The following KLRG1 variants were observed in gnomAD, a reference collection of about 807,000 sequenced individuals.
The protein encoded by KLRG1 is killer cell lectin-like receptor subfamily G member 1.
Under a neutral mutation model 21.8 loss-of-function variants are expected in KLRG1, and 16 were observed. That is an observed-to-expected ratio of 0.73 (90% CI 0.50 to 1.11). KLRG1 has a LOEUF of 1.11. KLRG1 is among the 50% of genes most tolerant of loss of function. The pLI is 0.00. For synonymous variants in KLRG1, 69 were observed against 75.9 expected (o/e 0.91, Z 0.47); for missense variants, 173 against 218.3 (o/e 0.79, Z 1.31).
At chr12:8,983,335 A>G (rs1946786746) in intron 1 of KLRG1, among the ~76,000 whole-genome samples, 1 of 125,248 alleles carries the variant, frequency 8.0e-6, no homozygotes. Context: ...CTTCCTCTTC[A>G]TTTCTATTGG....
At chr12:9,045,506 A>G in the KLRG1 span, among the ~76,000 whole-genome samples, 1 of 152,208 alleles carries the variant, frequency 6.6e-6, no homozygotes, top group African/African-American at 2.4e-5. Flanking sequence ...GGCAAAAAAC[A>G]CATTTTGAAG....
At chr12:8,970,127 C>A (rs1312239527) in intron 1 of KLRG1, among the ~76,000 whole-genome samples, 3 of 152,122 alleles carry the variant, frequency 2.0e-5, no homozygotes, top group Non-Finnish European at 4.4e-5. Flanking sequence ...AAAAACAAAA[C>A]AAAACAAAGC....
the KLRG1 span, among the ~76,000 whole-genome samples, chr12:9,019,049 T>C: frequency 1.3e-5 from 2 of 152,120 alleles, no homozygotes; most frequent in African/African-American, 4.8e-5. Context: ...AACCAGAATA[T>C]ATAAGGAGCT....
At chr12:8,994,856 T>C (rs1273139773) in intron 2 of KLRG1, among the ~76,000 whole-genome samples, 3 of 152,246 alleles carry the variant, frequency 2.0e-5, no homozygotes, top group African/African-American at 4.8e-5. Flanking sequence ...GATTGTTGTA[T>C]GCTTTCTTCT....
chr12:9,169,349 T>A, the KLRG1 span: 4 of 1,299,616 alleles, frequency 3.1e-6, no homozygotes, highest in Non-Finnish European at 4.2e-6. Flanking sequence ...ACATAATTAC[T>A]AAGATTATGA....
At chr12:9,201,588 G>A in the KLRG1 span, among the ~76,000 whole-genome samples, 3 of 152,110 alleles carry the variant, frequency 2.0e-5, no homozygotes, top group Admixed American at 6.5e-5. Context: ...ATTGGTGAAT[G>A]ATATTATTGA....
chr12:9,159,669 T>G, the KLRG1 span, among the ~76,000 whole-genome samples: 1 of 151,796 alleles, frequency 6.6e-6, no homozygotes, highest in Non-Finnish European at 1.5e-5. Context: ...GAGACCCAAG[T>G]GAGCCCATTC....
At chr12:9,031,286 A>T in the KLRG1 span, among the ~76,000 whole-genome samples, 11 of 152,362 alleles carry the variant, frequency 7.2e-5, no homozygotes, top group Admixed American at 2.0e-4. Flanking sequence ...GAGAAAAAGC[A>T]ATAGAGAATT....
At chr12:9,044,343 A>T in the KLRG1 span, among the ~76,000 whole-genome samples, 1 of 152,174 alleles carries the variant, frequency 6.6e-6, no homozygotes, top group Non-Finnish European at 1.5e-5. Context: ...AGTTTAAACA[A>T]TCAAAAAATA....
the KLRG1 span, chr12:9,090,101 C>A: frequency 6.5e-7 from 1 of 1,542,592 alleles, no homozygotes; most frequent in Admixed American, 2.0e-5. Flanking sequence ...TAGAAATGTT[C>A]AATGCTCTGT....
intron 1 of KLRG1, among the ~76,000 whole-genome samples, chr12:8,979,468 AT>A (rs1431800225): frequency 1.3e-5 from 2 of 152,326 alleles, no homozygotes; most frequent in African/African-American, 2.4e-5. Context: ...GTGATGAGTC[AT>A]TTTTATTGTG....
the KLRG1 span, chr12:9,161,006 A>G: frequency 1.3e-6 from 2 of 1,523,728 alleles, no homozygotes; most frequent in Admixed American, 3.3e-5. Flanking sequence ...CTTTTGGCCC[A>G]GGTTTACTAA....
the KLRG1 span, among the ~76,000 whole-genome samples, chr12:9,208,739 G>A: frequency 6.6e-6 from 1 of 152,136 alleles, no homozygotes; most frequent in Non-Finnish European, 1.5e-5. Context: ...CTCATGCATT[G>A]CAGATTCATT....
the KLRG1 span, chr12:9,099,249 A>T: frequency 1.2e-6 from 1 of 815,634 alleles, no homozygotes; most frequent in East Asian, 2.7e-5. Context: ...TGACTCTGCC[A>T]CTACCTTGCT....
the KLRG1 span, among the ~76,000 whole-genome samples, chr12:9,211,202 C>T: frequency 4.7e-5 from 7 of 149,580 alleles, no homozygotes; most frequent in Non-Finnish European, 8.9e-5. Context: ...CTGCTCATTT[C>T]CCTCTTTTCT....
chr12:9,099,388 G>A, the KLRG1 span: 3 of 1,556,044 alleles, frequency 1.9e-6, no homozygotes, highest in Middle Eastern at 1.7e-4. Flanking sequence ...CACCTTGTTG[G>A]CCAGACAATT....
chr12:9,113,682 G>A, the KLRG1 span: 9 of 787,220 alleles, frequency 1.1e-5, no homozygotes, highest in East Asian at 7.8e-5. Context: ...AAATTTGGCC[G>A]TTGAAGGCCA....
the KLRG1 span, chr12:9,203,894 A>G: frequency 6.2e-7 from 1 of 1,614,128 alleles, no homozygotes; most frequent in Non-Finnish European, 8.5e-7. Context: ...TCAGAAGGAC[A>G]CAGCCCTTCT....
At chr12:9,077,315 T>C in the KLRG1 span, 2 of 1,588,950 alleles carry the variant, frequency 1.3e-6, no homozygotes, top group Non-Finnish European at 1.7e-6. Context: ...TCCAGAACTC[T>C]CCTTCAGCAG....
Sources: allele counts gnomAD v4.1 joint callset (sites outside exome capture counted in the v4.1 genomes callset), GRCh38; gene constraint gnomAD v4.1.1; transcripts MANE v1.5; gene names NCBI Gene and HGNC (gene_info 2026-07-23, HGNC 2026-07-21).